The following PDE9A variants were observed in gnomAD, a reference collection of about 807,000 sequenced individuals.
PDE9A encodes phosphodiesterase 9A.
In PDE9A, 60 loss-of-function variants were observed where a neutral mutation model predicts 87.4. That is an observed-to-expected ratio of 0.69 (90% CI 0.56 to 0.85). The LOEUF is 0.85. Ranked by LOEUF, PDE9A falls within the 40% of genes least tolerant of loss-of-function variation. The pLI, the probability that PDE9A is intolerant of heterozygous loss-of-function variation, is 0.00. For missense variants in PDE9A, 665 were observed against 779.0 expected, an observed-to-expected ratio of 0.85 and a Z score of 1.74; for synonymous variants, 272 against 279.4, an observed-to-expected ratio of 0.97 and a Z score of 0.27.
chr21:42,654,200 C>A (rs1452468621), intron 1 of PDE9A, among the ~76,000 whole-genome samples: 1 of 152,122 alleles, frequency 6.6e-6, no homozygotes, highest in African/African-American at 2.4e-5. Context: ...TCCGGTGGAT[C>A]GGCCCGCCGG....
chr21:42,670,129 TCA>T (rs553470278), intron 1 of PDE9A, among the ~76,000 whole-genome samples: 5 of 150,618 alleles, frequency 3.3e-5, no homozygotes, highest in Non-Finnish European at 5.9e-5. Context: ...ATTCACAGGC[TCA>T]CACATGCTTA....
At chr21:42,655,971 A>G (rs73905715) in intron 1 of PDE9A, among the ~76,000 whole-genome samples, 3,142 of 152,298 alleles carry the variant, frequency 0.021, 113 homozygotes, top group African/African-American at 0.072. Context: ...GCAAAGCATG[A>G]TAACTTCTCG....
chr21:42,738,457 A>G (rs1186483213), intron 7 of PDE9A, among the ~76,000 whole-genome samples: 1 of 152,052 alleles, frequency 6.6e-6, no homozygotes, highest in Non-Finnish European at 1.5e-5. Context: ...GAGGCTGGGG[A>G]AGGAGCACAG....
chr21:42,756,726 A>G (rs1416023463), intron 10 of PDE9A: 1 of 152,630 alleles, frequency 6.6e-6, no homozygotes, highest in Non-Finnish European at 1.5e-5. Flanking sequence ...CTCCCCCGTC[A>G]TCTCATGAGT....
intron 4 of PDE9A, among the ~76,000 whole-genome samples, chr21:42,728,421 G>A (rs189740647): frequency 8.5e-4 from 130 of 152,244 alleles, no homozygotes; most frequent in African/African-American, 3.0e-3. Flanking sequence ...GTTGAATTTT[G>A]TCAGATGTTT....
chr21:42,655,173 T>TGCAC (rs2056965141), intron 1 of PDE9A, among the ~76,000 whole-genome samples: 1 of 150,092 alleles, frequency 6.7e-6, no homozygotes, highest in African/African-American at 2.4e-5. Context: ...CACACGTGCA[T>TGCAC]ACACACACGT....
At chr21:42,661,080 A>G (rs1335791445) in intron 1 of PDE9A, among the ~76,000 whole-genome samples, 2 of 149,462 alleles carry the variant, frequency 1.3e-5, no homozygotes, top group Admixed American at 6.7e-5. Context: ...CGCCCAGGCT[A>G]GAGTGCAGTG....
rs1216887583 is a variant in PDE9A, at chr21:42,659,858, C to T, written c.69+5975C>T. ...ATGGGCAAAAGACAGCTCTCGTTGTCAGCGAGGTAAATCTAGCGCAGAGGA... is the reference window on the plus strand; with the variant it reads ...ATGGGCAAAAGACAGCTCTCGTTGTTAGCGAGGTAAATCTAGCGCAGAGGA... On this transcript the variant is annotated intron_variant, in intron 1 of 19. Transcript: ENST00000291539. The surrounding 1 kb of genome is among the most constrained non-coding windows in gnomAD (Gnocchi z 4.1). Among the ~76,000 whole-genome samples the T allele has an allele frequency of 6.6e-6, 1 of 152,244 alleles. No individual in the cohort carries two copies. Among genetic ancestry groups the T allele is most frequent in the Non-Finnish European group, 1.5e-5 (1 of 68,044 alleles).
In PDE9A at chr21:42,723,585, T is replaced by C. The variant is rs889275731; in HGVS notation, c.263-8185T>C. On this transcript the variant is annotated intron_variant, in intron 4 of 19. Transcript: ENST00000291539. This position sits in a 1 kb window ranked among gnomAD's most constrained non-coding sequence, Gnocchi z 4.3. ...ATCAGCTTGGAGCAGCACCATGAAA[T>C]CCACTCTAGCATGCAGACTCGGGGG... Among the ~76,000 whole-genome samples the C allele has an allele frequency of 3.9e-5, 6 of 152,190 alleles. No homozygotes were observed. Among genetic ancestry groups the C allele is most frequent in the African/African-American group, 1.2e-4 (5 of 41,444 alleles).
At chr21:42,671,944 A>C (rs1435443982) in intron 1 of PDE9A, among the ~76,000 whole-genome samples, 1 of 152,186 alleles carries the variant, frequency 6.6e-6, no homozygotes, top group Non-Finnish European at 1.5e-5. Context: ...AGAGATCCCC[A>C]AGCCCGGCTG....
chr21:42,683,843 C>T (rs1337728890), intron 1 of PDE9A, among the ~76,000 whole-genome samples: 1 of 152,220 alleles, frequency 6.6e-6, no homozygotes, highest in African/African-American at 2.4e-5. Context: ...ATCCCCCGTG[C>T]ACTCTGAGGG....
chr21:42,756,164 C>T (rs1031431225), intron 10 of PDE9A, among the ~76,000 whole-genome samples: 1 of 152,248 alleles, frequency 6.6e-6, no homozygotes, highest in Non-Finnish European at 1.5e-5. Context: ...ATCTCAAGGG[C>T]ACTCCAGGAG....
Position 42,775,276 on chromosome 21 carries a change from C to G in PDE9A, c.1769-4C>G. 6.2e-7 allele frequency: 1 copy of G among 1,612,124 alleles called. No homozygotes were observed. The highest frequency in any genetic ancestry group is 8.5e-7 in the Non-Finnish European group (1 of 1,179,222). ...CAAATCAGTCATCGTTTCCCTTCTT[C>G]CAGGAGACTGTGCCTGAGGAAAGCG... On this transcript the variant is annotated splice_polypyrimidine_tract_variant and splice_region_variant and intron_variant, in intron 19 of 19. Coordinates refer to ENST00000291539, the MANE Select transcript of PDE9A (RefSeq NM_002606.3).
In PDE9A at chr21:42,692,680, T is replaced by C. The variant is rs1043851691; in HGVS notation, c.218+4686T>C. 5.3e-5 allele frequency among the ~76,000 whole-genome samples: 8 copies of C among 152,132 alleles called. No homozygotes were observed. The highest frequency in any genetic ancestry group is 1.2e-4 in the Non-Finnish European group (8 of 68,020). On this transcript the variant is annotated intron_variant, in intron 3 of 19. Coordinates refer to ENST00000291539, the MANE Select transcript of PDE9A (RefSeq NM_002606.3). The surrounding 1 kb of genome is among the most constrained non-coding windows in gnomAD (Gnocchi z 4.3). ...GGCCCGGGACACGCCACTGATGCTC[T>C]TCTGACCCAGGGGCTTTTCTCTCCC...
chr21:42,720,296 C>T (rs1411077223), intron 4 of PDE9A, among the ~76,000 whole-genome samples: 1 of 152,074 alleles, frequency 6.6e-6, no homozygotes, highest in African/African-American at 2.4e-5. Context: ...GAGTTCGAGA[C>T]CAGCCTGACC....
intron 17 of PDE9A, 85 bp downstream of exon 17, chr21:42,769,240 C>A: frequency 1.7e-6 from 2 of 1,207,828 alleles, no homozygotes; most frequent in South Asian, 1.4e-5. Flanking sequence ...TACACATATG[C>A]ACACAGGTAC....
chr21:42,726,069 T>G (rs931563595), intron 4 of PDE9A, among the ~76,000 whole-genome samples: 3 of 152,146 alleles, frequency 2.0e-5, no homozygotes, highest in Non-Finnish European at 4.4e-5. Context: ...AATGGCCGAG[T>G]GGCTCTCAGC....
chr21:42,684,542 G>A (rs2059341743), intron 1 of PDE9A, among the ~76,000 whole-genome samples: 1 of 152,238 alleles, frequency 6.6e-6, no homozygotes, highest in Admixed American at 6.5e-5. Context: ...CAGTGGGGTT[G>A]GGAGAAGCAG....
chr21:42,674,569 C>G (rs1245786913), intron 1 of PDE9A, among the ~76,000 whole-genome samples: 2 of 152,122 alleles, frequency 1.3e-5, no homozygotes, highest in Admixed American at 6.6e-5. Context: ...AGTGCAGAAC[C>G]AGGGAGGCCT....
Sources: allele counts gnomAD v4.1 joint callset (sites outside exome capture counted in the v4.1 genomes callset), GRCh38; gene constraint gnomAD v4.1.1; non-coding constraint Gnocchi (gnomAD v3.1); transcripts MANE v1.5; gene names NCBI Gene and HGNC (gene_info 2026-07-23, HGNC 2026-07-21).